Variants in GRIK1 observed in about 807,000 individuals in gnomAD.
GRIK1 encodes glutamate ionotropic receptor kainate type subunit 1.
GRIK1 carries 69 observed loss-of-function variants against 105.7 expected under a neutral mutation model. That is an observed-to-expected ratio of 0.65 (90% CI 0.54 to 0.80). The LOEUF is 0.80. GRIK1 is among the 30% of genes least tolerant of loss of function. The probability of loss-of-function intolerance (pLI) is 0.00; values close to 1 mark genes in which losing one functional copy is unlikely to be tolerated. For missense variants in GRIK1, 1,109 were observed against 1,167.3 expected, an observed-to-expected ratio of 0.95 and a Z score of 0.73; for synonymous variants, 438 against 431.3, an observed-to-expected ratio of 1.02 and a Z score of -0.19.
intron 14 of GRIK1, among the ~76,000 whole-genome samples, chr21:29,571,190 A>AAC (rs1005764411): frequency 1.3e-5 from 2 of 151,820 alleles, no homozygotes; most frequent in Non-Finnish European, 2.9e-5. Flanking sequence ...CTCTACTAAA[A>AAC]ACACACACAC....
At chr21:29,866,113 C>T (rs1400111170) in intron 1 of GRIK1, among the ~76,000 whole-genome samples, 1 of 151,902 alleles carries the variant, frequency 6.6e-6, no homozygotes, top group Non-Finnish European at 1.5e-5. Flanking sequence ...GTTGCCCAAG[C>T]TGAAATTCAG....
At chr21:29,642,169 A>C (rs363526) in intron 7 of GRIK1, among the ~76,000 whole-genome samples, 60,635 of 151,896 alleles carry the variant, frequency 0.4, 12,434 homozygotes, top group African/African-American at 0.49. Context: ...ATAAGGAGTC[A>C]CGGGGCTTAG....
chr21:29,569,938 AT>A (rs2090701645), intron 14 of GRIK1, among the ~76,000 whole-genome samples: 1 of 152,156 alleles, frequency 6.6e-6, no homozygotes. Flanking sequence ...GATATAAAAG[AT>A]GGAAATAGGT....
intron 1 of GRIK1, among the ~76,000 whole-genome samples, chr21:29,734,371 C>CTTTTCTTT (rs2064719615): frequency 2.1e-4 from 7 of 33,238 alleles, no homozygotes; most frequent in African/African-American, 4.8e-4. Context: ...CTTTTCTTTT[C>CTTTTCTTT]TTTTCTTTTC....
intron 4 of GRIK1, among the ~76,000 whole-genome samples, chr21:29,667,049 C>T (rs905888025): frequency 2.4e-4 from 36 of 152,132 alleles, no homozygotes; most frequent in Admixed American, 1.9e-3. Context: ...GCATACGGTA[C>T]GTGTTCAGTA....
At chr21:29,850,560 G>T (rs1359927246) in intron 1 of GRIK1, among the ~76,000 whole-genome samples, 2 of 152,134 alleles carry the variant, frequency 1.3e-5, no homozygotes, top group Non-Finnish European at 2.9e-5. Context: ...TCCCAGGAAT[G>T]GATAAGGTGG....
At chr21:29,667,090 C>T (rs2063073847) in intron 4 of GRIK1, among the ~76,000 whole-genome samples, 1 of 152,034 alleles carries the variant, frequency 6.6e-6, no homozygotes, top group Non-Finnish European at 1.5e-5. Flanking sequence ...TCGGCCTTTT[C>T]TATGTATTTA....
At chr21:29,861,460 T>C (rs2068634163) in intron 1 of GRIK1, among the ~76,000 whole-genome samples, 1 of 152,036 alleles carries the variant, frequency 6.6e-6, no homozygotes, top group Admixed American at 6.6e-5. Context: ...CACATGCCAC[T>C]AAGCCTGGCT....
intron 14 of GRIK1, among the ~76,000 whole-genome samples, chr21:29,562,176 A>C (rs1305344524): frequency 1.3e-5 from 2 of 152,128 alleles, no homozygotes; most frequent in Non-Finnish European, 2.9e-5. Flanking sequence ...CAACTCCAGC[A>C]GGTATTGTTT....
chr21:29,700,787 T>A (rs2832426), intron 1 of GRIK1, among the ~76,000 whole-genome samples: 80,869 of 152,016 alleles, frequency 0.53, 25,346 homozygotes, highest in Non-Finnish European at 0.7. Flanking sequence ...AGATTAAGCC[T>A]GTGCTGAGAG....
chr21:29,831,298 T>C (rs1177404126), intron 1 of GRIK1, among the ~76,000 whole-genome samples: 4 of 152,156 alleles, frequency 2.6e-5, no homozygotes, highest in Non-Finnish European at 5.9e-5. Flanking sequence ...CATCTTTCAG[T>C]CCCATTGGCT....
intron 1 of GRIK1, among the ~76,000 whole-genome samples, chr21:29,704,325 AG>A (rs1385054781): frequency 2.6e-5 from 4 of 152,206 alleles, no homozygotes; most frequent in Non-Finnish European, 2.9e-5. Context: ...TAAAGCAAAA[AG>A]CCTGCTTTTT....
intron 1 of GRIK1, among the ~76,000 whole-genome samples, chr21:29,822,570 C>A (rs1444757570): frequency 1.3e-5 from 2 of 151,878 alleles, no homozygotes; most frequent in Non-Finnish European, 2.9e-5. Context: ...CAAGTTCTGG[C>A]CAATGAGAAA....
At chr21:29,731,447 A>G (rs2146898798) in intron 1 of GRIK1, among the ~76,000 whole-genome samples, 1 of 152,286 alleles carries the variant, frequency 6.6e-6, no homozygotes, top group African/African-American at 2.4e-5. Flanking sequence ...ATACTGGTGA[A>G]GCCATGTTTC....
intron 7 of GRIK1, among the ~76,000 whole-genome samples, chr21:29,614,320 A>G (rs1224345273): frequency 6.6e-6 from 1 of 150,926 alleles, no homozygotes; most frequent in Non-Finnish European, 1.5e-5. Context: ...AACAGTAGTT[A>G]TAACTTGCTT....
chr21:29,668,100 C>T (rs1290779296), intron 4 of GRIK1, among the ~76,000 whole-genome samples: 2 of 152,122 alleles, frequency 1.3e-5, no homozygotes, highest in Non-Finnish European at 2.9e-5. Context: ...CTCATTCATT[C>T]GTTTGGTTCA....
chr21:29,798,237 C>T (rs1164028863), intron 1 of GRIK1, among the ~76,000 whole-genome samples: 1 of 152,202 alleles, frequency 6.6e-6, no homozygotes, highest in East Asian at 1.9e-4. Flanking sequence ...TCCAAGGATA[C>T]TGCTGCTAAA....
At chr21:29,596,385 CCTCT>C in intron 9 of GRIK1, 137 bp downstream of exon 9, 3 of 768,842 alleles carry the variant, frequency 3.9e-6, no homozygotes, top group Non-Finnish European at 7.3e-6. Flanking sequence ...TTCAATCACT[CCTCT>C]CTCTTTACAT....
At chr21:29,774,517 T>C (rs1293172527) in intron 1 of GRIK1, among the ~76,000 whole-genome samples, 1 of 146,792 alleles carries the variant, frequency 6.8e-6, no homozygotes, top group Non-Finnish European at 1.5e-5. Context: ...AGTGGCACGA[T>C]CTCGGCTCAC....
Sources: allele counts gnomAD v4.1 joint callset (sites outside exome capture counted in the v4.1 genomes callset), GRCh38; gene constraint gnomAD v4.1.1; transcripts MANE v1.5; gene names NCBI Gene and HGNC (gene_info 2026-07-23, HGNC 2026-07-21).